SELP: variants seen among roughly 807,000 people sequenced by gnomAD.
SELP encodes the protein selectin P, also known as P-selectin.
Under a neutral mutation model 104.1 loss-of-function variants are expected in SELP, and 92 were observed. The observed-to-expected ratio is 0.88, with a 90% confidence interval of 0.75 to 1.05. SELP has a LOEUF of 1.05. Among genes scored for constraint, SELP ranks in the 50% least tolerant of loss-of-function variants. The probability of loss-of-function intolerance (pLI) is 0.00; values close to 1 mark genes in which losing one functional copy is unlikely to be tolerated. For synonymous variants in SELP, 397 were observed against 364.5 expected (o/e 1.09, Z -1.01); for missense variants, 1,022 against 1,017.3 (o/e 1.00, Z -0.06).
rs762632792 is a variant in SELP at position 169,617,190 on chromosome 1, T to C, written c.319A>G (p.Lys107Glu). The change falls in exon 3 of 17, where the codon AAA becomes GAA. Residue 107 changes from lysine (K) to glutamate (E), a missense_variant. By Grantham distance (56) the Lys-to-Glu change is moderately conservative. Coordinates refer to ENST00000263686, the MANE Select transcript of SELP (RefSeq NM_003005.4). Reference protein sequence around the residue: ...NNKTWTWVGTKKALTNEAENW... With the variant: ...NNKTWTWVGTEKALTNEAENW... ...TCAGCCTCGTTGGTGAGAGCCTTTT[T>C]GGTTCCCACCCATGTCCATGTCTTA... The C allele has an allele frequency of 8.1e-6, 13 of 1,614,120 alleles. No individual in the cohort carries two copies. The highest frequency in any genetic ancestry group is 1.1e-5 in the Non-Finnish European group (13 of 1,180,056).
In SELP at chr1:169,591,167, C is replaced by A. The variant is rs973557393; in HGVS notation, c.2438+259G>T. Among the ~76,000 whole-genome samples, 7 of 152,154 alleles carry A rather than the reference C, an allele frequency of 4.6e-5. No individual in the cohort carries two copies. In the East Asian group the frequency reaches 1.3e-3, roughly 29 times the overall value. ...TGTGGAAGGTGCACGCTTCTGATGA[C>A]CTCATTGCATCTACTGGCACAGCGC... is the stretch of plus-strand genomic sequence containing the variant. On this transcript the variant is annotated intron_variant, in intron 15 of 16. Transcript: ENST00000263686.
At chr1:169,611,426 T>C in intron 7 of SELP, 66 bp downstream of exon 7, 1 of 1,508,100 alleles carries the variant, frequency 6.6e-7, no homozygotes, top group East Asian at 2.3e-5. Flanking sequence ...CTGAGAGCCC[T>C]TGGCCTCTCT....
chr1:169,596,475 C>T (rs1395082362), intron 11 of SELP, among the ~76,000 whole-genome samples: 1 of 152,188 alleles, frequency 6.6e-6, no homozygotes, highest in Non-Finnish European at 1.5e-5. Context: ...CCTGCCCAAC[C>T]CTGCCTTATT....
chr1:169,592,526 C>T (rs1661401061), intron 14 of SELP, among the ~76,000 whole-genome samples: 1 of 152,116 alleles, frequency 6.6e-6, no homozygotes, highest in African/African-American at 2.4e-5. Context: ...AGAAGAGCCC[C>T]ATTAGGTTAT....
At chr1:169,613,843 T>A (rs929791078) in intron 3 of SELP, 150 bp from the exon 4 acceptor site, 1 of 640,832 alleles carries the variant, frequency 1.6e-6, no homozygotes, top group Admixed American at 2.5e-5. Context: ...AGAGCCAACC[T>A]GTCCCTTGTG....
chr1:169,620,096 T>C (rs1456361560), intron 1 of SELP, among the ~76,000 whole-genome samples: 1 of 151,848 alleles, frequency 6.6e-6, no homozygotes, highest in Non-Finnish European at 1.5e-5. Flanking sequence ...TAATCCCAGC[T>C]CCTTGGGAGG....
At chr1:169,593,745 C>T in intron 13 of SELP, 21 bp from the exon 14 acceptor site, 2 of 1,612,460 alleles carry the variant, frequency 1.2e-6, no homozygotes, top group South Asian at 1.1e-5. Context: ...AACACACACA[C>T]ATGCAAGACA....
At chr1:169,612,510 G>T in intron 5 of SELP, 108 bp from the exon 6 acceptor site, 1 of 1,002,944 alleles carries the variant, frequency 1.0e-6, no homozygotes, top group Non-Finnish European at 1.5e-6. Flanking sequence ...GTGGCAGGCA[G>T]GTTGATGCAC....
intron 1 of SELP, among the ~76,000 whole-genome samples, chr1:169,624,349 G>A (rs1440089174): frequency 6.6e-6 from 1 of 152,180 alleles, no homozygotes; most frequent in African/African-American, 2.4e-5. Context: ...TGGAAGGCTG[G>A]TTCAACTGGA....
intron 9 of SELP, among the ~76,000 whole-genome samples, chr1:169,604,913 G>A (rs1371900511): frequency 6.6e-6 from 1 of 152,212 alleles, no homozygotes; most frequent in Non-Finnish European, 1.5e-5. Flanking sequence ...TATTACAACA[G>A]CGAGTGGATT....
intron 14 of SELP, 80 bp downstream of exon 14, chr1:169,593,525 C>A: frequency 1.5e-6 from 2 of 1,303,030 alleles, no homozygotes; most frequent in Non-Finnish European, 2.1e-6. Context: ...TGGTTTTTGC[C>A]TCCCCACCCT....
At chr1:169,598,792 G>A (rs138833929) in intron 10 of SELP, among the ~76,000 whole-genome samples, 1 of 152,138 alleles carries the variant, frequency 6.6e-6, no homozygotes, top group African/African-American at 2.4e-5. Context: ...ACACATAGGA[G>A]GGGTTCTACA....
At chr1:169,595,828 G>A (rs1437360104) in intron 12 of SELP, 97 bp downstream of exon 12, 1 of 993,194 alleles carries the variant, frequency 1.0e-6, no homozygotes, top group East Asian at 2.4e-5. Flanking sequence ...TGGAGTAGTG[G>A]TTGTGGTTGG....
chr1:169,602,453 G>A (rs1661956730), intron 10 of SELP, among the ~76,000 whole-genome samples: 1 of 152,196 alleles, frequency 6.6e-6, no homozygotes, highest in African/African-American at 2.4e-5. Context: ...ATAGAGCTGA[G>A]CCTTTTCACT....
intron 3 of SELP, 42 bp downstream of exon 3, chr1:169,616,986 T>G: frequency 6.6e-7 from 1 of 1,522,000 alleles, no homozygotes. Flanking sequence ...GGCAGGGTTT[T>G]TTTTTTTTAA....
rs781749853 is a variant in SELP at position 169,591,389 on chromosome 1, G to C, written c.2438+37C>G. Reference sequence around the variant, plus strand: ...TACAGTGAATTATAAAGTTAAGGTAGCAAAATTTACTCAATCATAAAACAT... The same window carrying C: ...TACAGTGAATTATAAAGTTAAGGTACCAAAATTTACTCAATCATAAAACAT... On this transcript the variant is annotated intron_variant, in intron 15 of 16. Coordinates refer to ENST00000263686, the MANE Select transcript of SELP (RefSeq NM_003005.4). 27 of 1,462,048 alleles carry C rather than the reference G, an allele frequency of 1.8e-5. No individual in the cohort carries two copies. In the South Asian group the frequency reaches 2.9e-4, roughly 15 times the overall value. 90.6% of individuals were successfully genotyped at this position (1,462,048 alleles called of 1,614,324 possible).
rs775020207 is a variant in SELP at position 169,606,946 on chromosome 1, T to TA, written c.1519+2dup. 1 of 1,612,540 alleles carries TA rather than the reference T, an allele frequency of 6.2e-7. No homozygotes were observed. Among genetic ancestry groups the TA allele is most frequent in the Non-Finnish European group, 8.5e-7 (1 of 1,179,252 alleles). ...CATGATGTTAGAAAGAATACACTCT[T>TA]ACCTTGGCATTCTGGAGGAACAGAA... On this transcript the variant is annotated splice_region_variant and intron_variant, in intron 9 of 16. Transcript: ENST00000263686.
intron 1 of SELP, among the ~76,000 whole-genome samples, chr1:169,627,463 A>C (rs1275545653): frequency 1.3e-5 from 2 of 152,230 alleles, no homozygotes; most frequent in Non-Finnish European, 2.9e-5. Flanking sequence ...AATTTTTTAA[A>C]AAGTCTATTG....
rs1661667358 is a variant in SELP, at chr1:169,597,116, CGA to C, written c.1764_1765del (p.Arg589TrpfsTer14). 1 of 1,612,988 alleles carries C rather than the reference CGA, an allele frequency of 6.2e-7. No homozygotes were observed. Among genetic ancestry groups the C allele is most frequent in the Middle Eastern group, 1.7e-4 (1 of 6,060 alleles). On this transcript the variant is annotated frameshift_variant, in exon 11 of 17. Coordinates refer to ENST00000263686, the MANE Select transcript of SELP (RefSeq NM_003005.4). LOFTEE classifies it high-confidence loss of function. Reference sequence around the variant, plus strand: ...GGTGGAGCCAACATTGAATTCTCCACGAGTGTCAGAACAATCCAGGCTGCCCT... The same window carrying C: ...GGTGGAGCCAACATTGAATTCTCCACGTGTCAGAACAATCCAGGCTGCCCT...
Sources: gnomAD v4.1 joint callset for allele counts (sites outside exome capture counted in the v4.1 genomes callset) on GRCh38, gnomAD v4.1.1 for gene constraint, MANE v1.5 for transcripts, NCBI Gene and HGNC (gene_info 2026-07-23, HGNC 2026-07-21) for gene names.